Variants in PCDHA9 observed in about 807,000 individuals in gnomAD.
PCDHA9 encodes the protein protocadherin alpha 9, also known as protocadherin alpha-9.
A neutral mutation model predicts 62.0 loss-of-function variants in PCDHA9; 62 were observed. The observed-to-expected ratio is 1.00, with a 90% CI of 0.81 to 1.23. The LOEUF (loss-of-function observed/expected upper bound fraction) is 1.23. PCDHA9 is among the 50% of genes most tolerant of loss of function. The pLI is 0.00. For missense variants in PCDHA9, 1,205 were observed against 1,249.8 expected (o/e 0.96, Z 0.54); for synonymous variants, 557 against 567.6 (o/e 0.98, Z 0.27).
At chr5:140,920,842 A>T (rs1377558160) in intron 1 of PCDHA9, among the ~76,000 whole-genome samples, 3 of 127,576 alleles carry the variant, frequency 2.4e-5, no homozygotes, top group Non-Finnish European at 5.0e-5. Context: ...GACCAAATCT[A>T]AAAAAAAAAA....
intron 1 of PCDHA9, chr5:140,884,340 C>G (rs1480799859): frequency 1.2e-6 from 2 of 1,613,772 alleles, no homozygotes; most frequent in South Asian, 1.1e-5. Flanking sequence ...GGTCCAGAAG[C>G]GGCGCTGGTG....
chr5:140,977,899 C>A (rs1193855952), intron 1 of PCDHA9, among the ~76,000 whole-genome samples: 1 of 152,124 alleles, frequency 6.6e-6, no homozygotes, highest in East Asian at 1.9e-4. Context: ...CAAAATACAA[C>A]TTTTATCCCC....
intron 1 of PCDHA9, chr5:140,882,737 G>A (rs1375859660): frequency 6.2e-7 from 1 of 1,614,090 alleles, no homozygotes; most frequent in Admixed American, 1.7e-5. Flanking sequence ...ACTAGATGGC[G>A]CATCCGATGC....
chr5:140,933,937 T>A (rs1369497002), intron 1 of PCDHA9, among the ~76,000 whole-genome samples: 1 of 152,082 alleles, frequency 6.6e-6, no homozygotes. Context: ...GTGACTTTTT[T>A]TCACATCTGC....
chr5:140,994,317 T>A (rs1053879490), intron 3 of PCDHA9, among the ~76,000 whole-genome samples: 7 of 152,086 alleles, frequency 4.6e-5, no homozygotes, highest in African/African-American at 1.7e-4. Flanking sequence ...GCCCAAACAC[T>A]CTCAGCAACC....
chr5:140,884,598 C>T (rs782317237), intron 1 of PCDHA9: 4 of 1,614,108 alleles, frequency 2.5e-6, no homozygotes. Flanking sequence ...CCCAGCCTTC[C>T]TCCTTGTCTG....
chr5:140,920,588 G>A lies in PCDHA9; in HGVS notation c.2395-58361G>A, dbSNP rs561082502. 2.0e-5 allele frequency among the ~76,000 whole-genome samples: 3 copies of A among 152,284 alleles called. No individual in the cohort carries two copies. The South Asian group carries it at 6.2e-4, about 32-fold the overall frequency. On this transcript the variant is annotated intron_variant, in intron 1 of 3. Transcript: ENST00000532602. ...AGGCCAGGAGCAGTGGCTCACGCCT[G>A]TAATCCCAGCACTTTGGGAGGCCGA...
At chr5:140,909,747 G>T (rs1554193902) in intron 1 of PCDHA9, among the ~76,000 whole-genome samples, 1 of 152,146 alleles carries the variant, frequency 6.6e-6, no homozygotes, top group East Asian at 1.9e-4. Context: ...CTGGGGAAAT[G>T]ACCACAGGAT....
rs60872775 is a variant in PCDHA9 at position 140,857,509 on chromosome 5, C to G, written c.2394+6620C>G. 2,646 of 1,598,160 alleles carry G rather than the reference C, an allele frequency of 1.7e-3. 197 individuals carry two copies. In the African/African-American group the frequency reaches 0.032, roughly 19 times the overall value. ...GGGACGCGGACGCGCAGGAGAACGCCCTGGTGTCCTACTCTCTGGTGGAGC... is the reference window on the plus strand; with the variant it reads ...GGGACGCGGACGCGCAGGAGAACGCGCTGGTGTCCTACTCTCTGGTGGAGC... On this transcript the variant is annotated intron_variant, in intron 1 of 3. Transcript: ENST00000532602.
chr5:140,876,662 T>G (rs782771484), intron 1 of PCDHA9: 23 of 1,614,114 alleles, frequency 1.4e-5, no homozygotes, highest in Non-Finnish European at 1.9e-5. Context: ...CCCTTCAAGC[T>G]GGTGTCCACC....
At chr5:140,968,189 T>C (rs181004208) in intron 1 of PCDHA9, 2 of 1,614,034 alleles carry the variant, frequency 1.2e-6, no homozygotes, top group Middle Eastern at 1.6e-4. Flanking sequence ...GGACTCCTAT[T>C]CCATCTACAT....
chr5:140,868,134 T>C (rs1562613374), intron 1 of PCDHA9: 1 of 152,142 alleles, frequency 6.6e-6, no homozygotes, highest in Admixed American at 6.5e-5. Context: ...ATTTCTGTCA[T>C]ATCATTGATT....
intron 1 of PCDHA9, chr5:140,856,675 G>T (rs782417357): frequency 6.3e-7 from 1 of 1,597,790 alleles, no homozygotes; most frequent in South Asian, 1.1e-5. Context: ...AGCTAAAGTT[G>T]TTGTTGACAG....
At chr5:140,920,135 C>T (rs1206026315) in intron 1 of PCDHA9, among the ~76,000 whole-genome samples, 2 of 152,164 alleles carry the variant, frequency 1.3e-5, no homozygotes, top group Non-Finnish European at 2.9e-5. Flanking sequence ...TTTTAATTCT[C>T]CTCTCCAAAC....
intron 1 of PCDHA9, chr5:140,851,839 C>A (rs1452848183): frequency 2.1e-6 from 2 of 969,740 alleles, no homozygotes; most frequent in East Asian, 1.1e-4. Context: ...TTAAAAATAT[C>A]TTTTTCTCCT....
intron 1 of PCDHA9, chr5:140,864,038 C>T (rs541763378): frequency 1.2e-4 from 19 of 153,004 alleles, no homozygotes; most frequent in African/African-American, 4.6e-4. Context: ...CCATCTTAAT[C>T]ACTTTTTACT....
intron 1 of PCDHA9, among the ~76,000 whole-genome samples, chr5:140,925,786 T>C (rs2082719026): frequency 1.3e-5 from 2 of 152,144 alleles, no homozygotes; most frequent in African/African-American, 4.8e-5. Context: ...CTAATGAGTA[T>C]CTCAGTACTT....
At chr5:140,912,125 T>C (rs1197015933) in intron 1 of PCDHA9, among the ~76,000 whole-genome samples, 1 of 152,160 alleles carries the variant, frequency 6.6e-6, no homozygotes, top group East Asian at 1.9e-4. Flanking sequence ...GCTAAGTCAG[T>C]CTAATCTCTC....
chr5:140,962,920 T>C (rs2095718930), intron 1 of PCDHA9, among the ~76,000 whole-genome samples: 1 of 152,186 alleles, frequency 6.6e-6, no homozygotes, highest in South Asian at 2.1e-4. Context: ...ATTTGACAGA[T>C]ACTTCTCAAC....
Sources: allele counts gnomAD v4.1 joint callset (sites outside exome capture counted in the v4.1 genomes callset), GRCh38; gene constraint gnomAD v4.1.1; transcripts MANE v1.5; gene names NCBI Gene and HGNC (gene_info 2026-07-23, HGNC 2026-07-21).